FAM107B: variants seen among roughly 807,000 people sequenced by gnomAD.
FAM107B encodes protein FAM107B.
Under a neutral mutation model 31.5 loss-of-function variants are expected in FAM107B, and 21 were observed. The observed-to-expected ratio is 0.67, with a 90% CI of 0.47 to 0.96. The LOEUF (loss-of-function observed/expected upper bound fraction) is 0.96. Ranked by LOEUF, FAM107B falls within the 40% of genes least tolerant of loss-of-function variation. FAM107B has a pLI of 0.00. For missense variants in FAM107B, 452 were observed against 377.1 expected (o/e 1.20, Z -1.64); for synonymous variants, 157 against 141.5 (o/e 1.11, Z -0.78).
intron 1 of FAM107B, chr10:14,723,405 C>T: frequency 1.8e-6 from 1 of 551,884 alleles, no homozygotes; most frequent in Non-Finnish European, 3.5e-6. Context: ...GCCTTTTCAG[C>T]AGCATCTGCT....
At chr10:14,686,819 T>A (rs1855000957) in intron 1 of FAM107B, among the ~76,000 whole-genome samples, 1 of 152,190 alleles carries the variant, frequency 6.6e-6, no homozygotes, top group African/African-American at 2.4e-5. Context: ...ATTAACAAAT[T>A]GAAGAGAGAG....
At position 14,585,663 on chromosome 10, in the gene FAM107B, C is replaced by T. The variant is rs75167701; in HGVS notation, c.470-55148G>A. On this transcript the variant is annotated intron_variant, in intron 2 of 4. Coordinates refer to ENST00000181796, the MANE Select transcript of FAM107B (RefSeq NM_031453.4). ...GAGCTCTGAAAAGTGTGGCGCAGAACGTTCTTTGGAATTCAAATAACAAGT... is the reference window on the plus strand; with the variant it reads ...GAGCTCTGAAAAGTGTGGCGCAGAATGTTCTTTGGAATTCAAATAACAAGT... 7.6e-3 allele frequency among the ~76,000 whole-genome samples: 1,157 copies of T among 152,320 alleles called. 17 individuals carry two copies. The highest frequency in any genetic ancestry group is 0.027 in the African/African-American group (1,112 of 41,576).
At chr10:14,683,373 G>A (rs1184623425) in intron 1 of FAM107B, among the ~76,000 whole-genome samples, 1 of 152,210 alleles carries the variant, frequency 6.6e-6, no homozygotes, top group African/African-American at 2.4e-5. Flanking sequence ...GAAGGCCTTT[G>A]CAAAGACAAA....
chr10:14,686,504 G>A (rs1433897859), intron 1 of FAM107B, among the ~76,000 whole-genome samples: 6 of 152,170 alleles, frequency 3.9e-5, no homozygotes, highest in Non-Finnish European at 8.8e-5. Context: ...TATTTGTGAG[G>A]TTGGAATTAT....
chr10:14,762,799 C>A (rs111566522), intron 1 of FAM107B, among the ~76,000 whole-genome samples: 1,540 of 143,710 alleles, frequency 0.011, 43 homozygotes, highest in African/African-American at 0.038. Context: ...CACACACACA[C>A]ACAAAAAGAA....
At chr10:14,616,358 C>G (rs1383676064) in intron 2 of FAM107B, among the ~76,000 whole-genome samples, 3 of 152,160 alleles carry the variant, frequency 2.0e-5, no homozygotes, top group Admixed American at 2.0e-4. Flanking sequence ...ATTGTTTTTA[C>G]TGAGATTTCC....
At chr10:14,723,238 G>C in intron 1 of FAM107B, 1 of 531,082 alleles carries the variant, frequency 1.9e-6, no homozygotes, top group South Asian at 1.4e-5. Context: ...TCAGTCTTCT[G>C]TGGTGGGGCC....
At chr10:14,561,740 A>G (rs1850260718) in intron 2 of FAM107B, among the ~76,000 whole-genome samples, 2 of 152,230 alleles carry the variant, frequency 1.3e-5, no homozygotes, top group African/African-American at 4.8e-5. Flanking sequence ...TAGTGGATTC[A>G]ACAATAAAAG....
At chr10:14,531,763 G>C (rs1847042856) in intron 2 of FAM107B, among the ~76,000 whole-genome samples, 1 of 152,106 alleles carries the variant, frequency 6.6e-6, no homozygotes, top group African/African-American at 2.4e-5. Context: ...GAAGCCAGGA[G>C]GCAAGAGGTT....
chr10:14,664,349 G>C (rs2131468795), intron 2 of FAM107B, among the ~76,000 whole-genome samples: 1 of 152,226 alleles, frequency 6.6e-6, no homozygotes, highest in South Asian at 2.1e-4. Flanking sequence ...ATTCCATGAG[G>C]GATGGAGTCA....
At position 14,554,049 on chromosome 10, in the gene FAM107B, G is replaced by A. The variant is rs553438855; in HGVS notation, c.470-23534C>T. 2.5e-5 allele frequency: 24 copies of A among 950,954 alleles called. No homozygotes were observed. In the African/African-American group the frequency reaches 4.2e-4, roughly 17 times the overall value. 58.9% of individuals were successfully genotyped at this position (950,954 alleles called of 1,614,324 possible). On this transcript the variant is annotated intron_variant, in intron 2 of 4. Transcript: ENST00000181796. ...TGCCGCCTCTGGCCCATCCTAAGAG[G>A]CTCACTGCCACACATATGTCATATA...
chr10:14,713,851 A>G (rs1484291357), intron 1 of FAM107B, among the ~76,000 whole-genome samples: 1 of 152,262 alleles, frequency 6.6e-6, no homozygotes, highest in Non-Finnish European at 1.5e-5. Context: ...TGCAGCCATA[A>G]TAAAGAATAA....
intron 1 of FAM107B, among the ~76,000 whole-genome samples, chr10:14,686,802 A>G (rs3118641): frequency 0.7 from 105,558 of 151,570 alleles, 36,977 homozygotes; most frequent in Middle Eastern, 0.8. Context: ...GAAGTTGTTC[A>G]GTGCCAATTA....
intron 1 of FAM107B, among the ~76,000 whole-genome samples, chr10:14,688,510 TCAAC>T (rs1303110417): frequency 2.0e-5 from 3 of 151,924 alleles, no homozygotes; most frequent in African/African-American, 7.3e-5. Context: ...CAACCAAAAG[TCAAC>T]CAAACGACAA....
chr10:14,653,194 C>A (rs943743533), intron 2 of FAM107B, among the ~76,000 whole-genome samples: 1 of 152,190 alleles, frequency 6.6e-6, no homozygotes, highest in African/African-American at 2.4e-5. Context: ...AGAATCAGGC[C>A]TTTGCAAAAT....
At chr10:14,683,551 T>C (rs1015310054) in intron 1 of FAM107B, among the ~76,000 whole-genome samples, 1 of 152,184 alleles carries the variant, frequency 6.6e-6, no homozygotes. Context: ...TGTACAATAA[T>C]TGCAAAAAGA....
intron 1 of FAM107B, among the ~76,000 whole-genome samples, chr10:14,751,334 G>A (rs1385529936): frequency 1.3e-5 from 2 of 152,202 alleles, no homozygotes; most frequent in African/African-American, 2.4e-5. Flanking sequence ...CCTGCCAGGA[G>A]CTAAGTGTGC....
At chr10:14,617,588 T>C (rs1316316887) in intron 2 of FAM107B, among the ~76,000 whole-genome samples, 1 of 152,216 alleles carries the variant, frequency 6.6e-6, no homozygotes, top group Non-Finnish European at 1.5e-5. Context: ...AGTGGCTATC[T>C]GTGTTTGAGC....
rs1054791181 is a variant in FAM107B, at chr10:14,686,110, C to T, written c.412-18419G>A. On this transcript the variant is annotated intron_variant, in intron 1 of 4. Transcript: ENST00000181796. ...TACAATTCAAGGTGAGATTTGGGGC[C>T]GGGTTCAGTGACTTATGCCTGTAGT... Among the ~76,000 whole-genome samples, 7 of 152,216 alleles carry T rather than the reference C, an allele frequency of 4.6e-5. No individual in the cohort carries two copies. In the East Asian group the frequency reaches 5.8e-4, roughly 13 times the overall value.
Sources: allele counts gnomAD v4.1 joint callset (sites outside exome capture counted in the v4.1 genomes callset), GRCh38; gene constraint gnomAD v4.1.1; transcripts MANE v1.5; gene names NCBI Gene and HGNC (gene_info 2026-07-23, HGNC 2026-07-21).